The following SLC5A4 variants were observed in gnomAD, a reference collection of about 807,000 sequenced individuals.
SLC5A4 encodes solute carrier family 5 member 4, also known as probable glucose sensor protein SLC5A4.
SLC5A4 carries 55 observed loss-of-function variants against 70.3 expected under a neutral mutation model. That is an observed-to-expected ratio of 0.78 (90% confidence interval 0.63 to 0.98). The LOEUF (loss-of-function observed/expected upper bound fraction) is 0.98. Among genes scored for constraint, SLC5A4 ranks in the 50% least tolerant of loss-of-function variants. The probability of loss-of-function intolerance (pLI) is 0.00; values close to 1 mark genes in which losing one functional copy is unlikely to be tolerated. For synonymous variants in SLC5A4, 268 were observed against 305.7 expected, an observed-to-expected ratio of 0.88 and a Z score of 1.29; for missense variants, 735 against 839.2, an observed-to-expected ratio of 0.88 and a Z score of 1.53.
intron 5 of SLC5A4, among the ~76,000 whole-genome samples, chr22:32,246,238 A>C (rs368962733): frequency 6.6e-6 from 1 of 152,230 alleles, no homozygotes; most frequent in Admixed American, 6.5e-5. Flanking sequence ...ATATGCAGTC[A>C]GTGCTGGGCA....
At chr22:32,318,679 C>T in the SLC5A4 span, among the ~76,000 whole-genome samples, 1 of 152,210 alleles carries the variant, frequency 6.6e-6, no homozygotes, top group South Asian at 2.1e-4. Flanking sequence ...TGGTCAGCCC[C>T]TTCCATCTGC....
chr22:32,353,925 C>T, the SLC5A4 span, among the ~76,000 whole-genome samples: 1 of 151,732 alleles, frequency 6.6e-6, no homozygotes, highest in African/African-American at 2.4e-5. Context: ...CAACCTGCTC[C>T]CCACTGGGAG....
At position 32,218,468 on chromosome 22, in the gene SLC5A4, G is replaced by T. The variant is rs772007706; in HGVS notation, c.*46C>A. ...TTAAAATCACTAAAATTATCCTTTG[G>T]TTCATTATTAAGAATTATTCATTAT... On this transcript the variant is annotated 3_prime_UTR_variant, in exon 15 of 15. Coordinates refer to ENST00000266086, the MANE Select transcript of SLC5A4 (RefSeq NM_014227.3). The T allele has an allele frequency of 3.1e-5, 23 of 736,786 alleles. No individual in the cohort carries two copies. The highest frequency in any genetic ancestry group is 1.1e-4 in the African/African-American group (6 of 53,320). The allele number at this position is 736,786 out of a possible 1,614,324, so 45.6% of individuals were successfully genotyped here.
the SLC5A4 span, chr22:32,270,420 C>T: frequency 7.0e-7 from 1 of 1,430,636 alleles, no homozygotes; most frequent in Non-Finnish European, 9.8e-7. Context: ...TGTGGACAGT[C>T]ATCGCCCTGG....
chr22:32,282,830 C>A, the SLC5A4 span, among the ~76,000 whole-genome samples: 1 of 152,242 alleles, frequency 6.6e-6, no homozygotes, highest in Non-Finnish European at 1.5e-5. Context: ...TACATCCAAT[C>A]TGTCAGGAAA....
intron 13 of SLC5A4, among the ~76,000 whole-genome samples, chr22:32,223,931 T>G (rs970387261): frequency 2.0e-5 from 3 of 152,166 alleles, no homozygotes; most frequent in Non-Finnish European, 4.4e-5. Flanking sequence ...GGAACTCTTT[T>G]TTTTTTTGAG....
chr22:32,221,058 G>T, intron 13 of SLC5A4, 36 bp from the exon 14 acceptor site: 1 of 1,359,754 alleles, frequency 7.4e-7, no homozygotes, highest in Non-Finnish European at 1.1e-6. Context: ...ATTAGTAATA[G>T]GCAAATGTTT....
chr22:32,332,632 AG>A, the SLC5A4 span, among the ~76,000 whole-genome samples: 15 of 152,252 alleles, frequency 9.9e-5, no homozygotes, highest in Non-Finnish European at 1.9e-4. Context: ...TGGGGTCAAC[AG>A]GGAGCTGTGT....
At chr22:32,353,329 C>T in the SLC5A4 span, among the ~76,000 whole-genome samples, 2 of 152,104 alleles carry the variant, frequency 1.3e-5, no homozygotes, top group Admixed American at 1.3e-4. Context: ...CCTCCACCCA[C>T]GGGGCCCTAT....
At chr22:32,320,594 A>G in the SLC5A4 span, among the ~76,000 whole-genome samples, 1 of 152,200 alleles carries the variant, frequency 6.6e-6, no homozygotes, top group Non-Finnish European at 1.5e-5. Flanking sequence ...TTAGTCATTG[A>G]GATTCATGAT....
rs796837605 is a variant in SLC5A4 at position 32,221,618 on chromosome 22, TAGTC to T, written c.1666-600_1666-597del. On this transcript the variant is annotated intron_variant, in intron 13 of 14. Transcript: ENST00000266086. ...GTAAATATATTAAGATTTCCATGGT[TAGTC>T]TGTATGTTGATTTAAGCATTTGAAA... Among the ~76,000 whole-genome samples the T allele has an allele frequency of 1.3e-3, 200 of 152,332 alleles. 1 individual carries two copies. Among genetic ancestry groups the T allele is most frequent in the African/African-American group, 4.7e-3 (195 of 41,566 alleles).
chr22:32,354,885 C>G, the SLC5A4 span: 2 of 152,440 alleles, frequency 1.3e-5, no homozygotes, highest in South Asian at 2.1e-4. Flanking sequence ...CCCGCACCAA[C>G]GGCAGCAGCG....
the SLC5A4 span, among the ~76,000 whole-genome samples, chr22:32,297,139 G>T: frequency 5.3e-3 from 813 of 152,094 alleles, 4 homozygotes; most frequent in African/African-American, 0.018. Context: ...TCTCTGCCTG[G>T]CTTTGGTATC....
At chr22:32,309,264 C>T in the SLC5A4 span, among the ~76,000 whole-genome samples, 11 of 152,130 alleles carry the variant, frequency 7.2e-5, no homozygotes, top group Non-Finnish European at 8.8e-5. Context: ...TAAAACTGCT[C>T]GTGAATCACA....
the SLC5A4 span, among the ~76,000 whole-genome samples, chr22:32,328,109 C>T: frequency 6.6e-6 from 1 of 151,068 alleles, no homozygotes; most frequent in Non-Finnish European, 1.5e-5. Flanking sequence ...CACACACACA[C>T]CAGAGCCCCC....
the SLC5A4 span, among the ~76,000 whole-genome samples, chr22:32,285,882 G>A: frequency 3.3e-5 from 5 of 151,860 alleles, no homozygotes; most frequent in Admixed American, 1.3e-4. Flanking sequence ...GACTACAGGC[G>A]CCCGCTACCA....
At chr22:32,326,209 G>A in the SLC5A4 span, among the ~76,000 whole-genome samples, 3 of 152,108 alleles carry the variant, frequency 2.0e-5, no homozygotes, top group Non-Finnish European at 4.4e-5. Flanking sequence ...CAGCGGCAGC[G>A]GCTTCTGATA....
the SLC5A4 span, among the ~76,000 whole-genome samples, chr22:32,306,178 T>G: frequency 1.3e-5 from 2 of 152,130 alleles, no homozygotes; most frequent in Non-Finnish European, 2.9e-5. Context: ...AAAATTACTG[T>G]ATATAGGCCG....
chr22:32,332,598 C>A, the SLC5A4 span, among the ~76,000 whole-genome samples: 1 of 152,196 alleles, frequency 6.6e-6, no homozygotes, highest in Non-Finnish European at 1.5e-5. Flanking sequence ...GAGACAGGGC[C>A]GGAGGCTGCC....
Sources: allele counts gnomAD v4.1 joint callset (sites outside exome capture counted in the v4.1 genomes callset), GRCh38; gene constraint gnomAD v4.1.1; transcripts MANE v1.5; gene names NCBI Gene and HGNC (gene_info 2026-07-23, HGNC 2026-07-21).